CDC20B: variants seen among roughly 807,000 people sequenced by gnomAD.
CDC20B encodes the protein cell division cycle 20B.
CDC20B carries 58 observed loss-of-function variants against 64.1 expected under a neutral mutation model. The observed-to-expected ratio is 0.90, with a 90% CI of 0.73 to 1.13. The LOEUF (loss-of-function observed/expected upper bound fraction) is 1.13, where lower values mean the gene tolerates loss of function less well. Ranked by LOEUF, CDC20B falls within the 50% of genes most tolerant of loss-of-function variation. The pLI, the probability that CDC20B is intolerant of heterozygous loss-of-function variation, is 0.00. For missense variants in CDC20B, 597 were observed against 633.0 expected, an observed-to-expected ratio of 0.94 and a Z score of 0.61; for synonymous variants, 243 against 230.6, an observed-to-expected ratio of 1.05 and a Z score of -0.49.
In CDC20B at chr5:55,119,044, T is replaced by C. The variant is rs78127224; in HGVS notation, c.1459+757A>G. Among the ~76,000 whole-genome samples, 397 of 152,268 alleles carry C rather than the reference T, an allele frequency of 2.6e-3. 2 individuals carry two copies. Among genetic ancestry groups the C allele is most frequent in the African/African-American group, 8.9e-3 (370 of 41,538 alleles). ...TACCTCCCACATAATAGATGCTTCA[T>C]AAATAAATAATCAATAAGTAAACCT... On this transcript the variant is annotated intron_variant, in intron 11 of 11. Coordinates refer to ENST00000381375, the MANE Select transcript of CDC20B (RefSeq NM_001170402.1).
At chr5:55,152,443 A>C (rs1743693411) in intron 2 of CDC20B, among the ~76,000 whole-genome samples, 1 of 152,228 alleles carries the variant, frequency 6.6e-6, no homozygotes, top group South Asian at 2.1e-4. Context: ...TGTCTATTTT[A>C]GTTTCATCAC....
intron 2 of CDC20B, among the ~76,000 whole-genome samples, chr5:55,147,131 ATGT>A (rs1406882989): frequency 4.2e-5 from 6 of 143,932 alleles, no homozygotes; most frequent in Admixed American, 3.5e-4. Context: ...AAACATAAAT[ATGT>A]TGTTTTATAT....
At chr5:55,166,166 T>C (rs1744373335) in intron 2 of CDC20B, 1 of 152,256 alleles carries the variant, frequency 6.6e-6, no homozygotes, top group Non-Finnish European at 1.5e-5. Context: ...GTTAGGAGCA[T>C]GAGCAGAACT....
chr5:55,131,272 G>A (rs925723319), intron 6 of CDC20B, among the ~76,000 whole-genome samples: 23 of 152,174 alleles, frequency 1.5e-4, no homozygotes, highest in African/African-American at 5.3e-4. Context: ...GTAACTCTAC[G>A]TAGACTAAGA....
chr5:55,125,515 G>A (rs2111816076), intron 8 of CDC20B, among the ~76,000 whole-genome samples: 1 of 152,258 alleles, frequency 6.6e-6, no homozygotes, highest in Admixed American at 6.5e-5. Flanking sequence ...TCCATTCTTA[G>A]TTTTGCTAAA....
rs201506312 is a variant in CDC20B, at chr5:55,146,806, C to G, written c.177G>C (p.Ala59=). Residue 59 remains alanine (A), a synonymous_variant, in exon 3 of 12, where the codon GCG becomes GCC. Transcript: ENST00000381375. ...ATYSDFKSNF[A]KRLSAEVPVA... ...CAGGAACCTCTGCGGACAGCCTCTT[C>G]GCAAAGTTGCTCTTAAAGTCAGAAT... 170 of 1,614,080 alleles carry G rather than the reference C, an allele frequency of 1.1e-4. 2 individuals carry two copies. In the East Asian group the frequency reaches 3.7e-3, roughly 35 times the overall value.
intron 11 of CDC20B, among the ~76,000 whole-genome samples, chr5:55,115,394 G>A (rs990847644): frequency 3.9e-5 from 6 of 152,136 alleles, no homozygotes; most frequent in Non-Finnish European, 7.4e-5. Context: ...CAAATGTTTC[G>A]GAGATGAGGC....
At chr5:55,153,603 C>T (rs1218456939) in intron 2 of CDC20B, among the ~76,000 whole-genome samples, 1 of 67,284 alleles carries the variant, frequency 1.5e-5, no homozygotes, top group African/African-American at 5.8e-5. Flanking sequence ...GAATAAATCC[C>T]CCCGGGGTGG....
chr5:55,121,255 T>C (rs1290008314), intron 9 of CDC20B, among the ~76,000 whole-genome samples: 1 of 152,172 alleles, frequency 6.6e-6, no homozygotes, highest in Non-Finnish European at 1.5e-5. Flanking sequence ...CTTCTACACA[T>C]AAAAATATTT....
Position 55,132,048 on chromosome 5 carries a change from G to A in CDC20B, c.697+1364C>T, listed in dbSNP as rs115980462. Among the ~76,000 whole-genome samples the A allele has an allele frequency of 4.7e-3, 709 of 152,068 alleles. 1 individual carries two copies. The highest frequency in any genetic ancestry group is 8.6e-3 in the Non-Finnish European group (585 of 67,996). ...CACTCCAGCCTGGGTGACAAAGCAA[G>A]ACTCTGTTTAAAAAAAAAGAAAGAA... On this transcript the variant is annotated intron_variant, in intron 6 of 11. Transcript: ENST00000381375.
At chr5:55,131,398 T>C (rs1330790935) in intron 6 of CDC20B, among the ~76,000 whole-genome samples, 1 of 152,032 alleles carries the variant, frequency 6.6e-6, no homozygotes, top group Non-Finnish European at 1.5e-5. Flanking sequence ...AGAAAAGATG[T>C]CCAAGGAACA....
intron 5 of CDC20B, among the ~76,000 whole-genome samples, chr5:55,135,233 CTA>C (rs565350239): frequency 4.4e-4 from 64 of 146,246 alleles, no homozygotes; most frequent in Non-Finnish European, 4.8e-4. Flanking sequence ...GTGTGTGTGT[CTA>C]TATATATATA....
At chr5:55,125,489 C>T (rs1301889559) in intron 8 of CDC20B, among the ~76,000 whole-genome samples, 1 of 152,094 alleles carries the variant, frequency 6.6e-6, no homozygotes, top group Non-Finnish European at 1.5e-5. Context: ...CAGGTAGAGT[C>T]CTATTAACCT....
intron 2 of CDC20B, among the ~76,000 whole-genome samples, chr5:55,154,695 AGTAAAATT>A: frequency 6.6e-6 from 1 of 152,356 alleles, no homozygotes; most frequent in East Asian, 1.9e-4. Context: ...TTGAATATAA[AGTAAAATT>A]CTCTCAGTCC....
At chr5:55,127,373 G>A (rs766059677) in intron 7 of CDC20B, 22 bp from the exon 8 acceptor site, 2 of 1,595,274 alleles carry the variant, frequency 1.3e-6, no homozygotes, top group South Asian at 2.2e-5. Flanking sequence ...AACAAGGAGA[G>A]TTATGTAGCA....
intron 2 of CDC20B, chr5:55,160,966 C>T (rs1329895378): frequency 1.3e-6 from 2 of 1,581,234 alleles, no homozygotes; most frequent in East Asian, 2.3e-5. Flanking sequence ...CTTCACTTTC[C>T]GGTTGGATTT....
Position 55,173,120 on chromosome 5 carries a change from A to C in CDC20B, c.-120T>G, listed in dbSNP as rs2111627754. The C allele has an allele frequency of 2.5e-6, 2 of 786,832 alleles. No individual in the cohort carries two copies. Among genetic ancestry groups the C allele is most frequent in the South Asian group, 1.6e-5 (1 of 62,252 alleles). The allele number at this position is 786,832 out of a possible 1,614,324, so 48.7% of individuals were successfully genotyped here. ...TCAAACCCCTGGAGTCCCGTCCCCC[A>C]GGACCATTCTATTTCACCACCTCCC... On this transcript the variant is annotated 5_prime_UTR_variant, in exon 1 of 12. Transcript: ENST00000381375.
intron 2 of CDC20B, among the ~76,000 whole-genome samples, chr5:55,159,784 T>C (rs1323897582): frequency 2.0e-5 from 3 of 152,194 alleles, no homozygotes; most frequent in Non-Finnish European, 4.4e-5. Flanking sequence ...TAATCTACAT[T>C]CTAAACTATT....
intron 2 of CDC20B, among the ~76,000 whole-genome samples, chr5:55,156,594 G>A (rs1743814995): frequency 6.6e-6 from 1 of 152,146 alleles, no homozygotes; most frequent in African/African-American, 2.4e-5. Flanking sequence ...ATAAGTCACT[G>A]GCCAGGCATG....
Sources: gnomAD v4.1 joint callset for allele counts (sites outside exome capture counted in the v4.1 genomes callset) on GRCh38, gnomAD v4.1.1 for gene constraint, MANE v1.5 for transcripts, NCBI Gene and HGNC (gene_info 2026-07-23, HGNC 2026-07-21) for gene names.